Variants in SQOR observed in about 807,000 individuals in gnomAD.
The protein encoded by SQOR is sulfide:quinone oxidoreductase, mitochondrial.
In SQOR, 39 loss-of-function variants were observed where a neutral mutation model predicts 48.6. That is an observed-to-expected ratio of 0.80 (90% CI 0.62 to 1.05). The LOEUF is 1.05. SQOR is among the 50% of genes least tolerant of loss of function. SQOR has a pLI of 0.00. For synonymous variants in SQOR, 220 were observed against 206.2 expected (o/e 1.07, Z -0.57); for missense variants, 561 against 559.9 (o/e 1.00, Z -0.02).
At chr15:45,688,300 T>C in intron 7 of SQOR, 37 bp from the exon 8 acceptor site, 1 of 1,466,996 alleles carries the variant, frequency 6.8e-7, no homozygotes, top group South Asian at 1.2e-5. Flanking sequence ...AAAACCTTGA[T>C]GCTTACATTT....
At chr15:45,642,891 C>G (rs1446974623) in intron 1 of SQOR, among the ~76,000 whole-genome samples, 1 of 152,126 alleles carries the variant, frequency 6.6e-6, no homozygotes, top group Non-Finnish European at 1.5e-5. Context: ...AATGCTAACA[C>G]CTAATTCAGG....
chr15:45,645,944 G>A (rs1334674104), intron 1 of SQOR: 1 of 152,174 alleles, frequency 6.6e-6, no homozygotes, highest in Non-Finnish European at 1.5e-5. Context: ...TGCTATGTTT[G>A]TATTTCTGAT....
At chr15:45,634,145 G>A (rs1376825217), upstream of SQOR, among the ~76,000 whole-genome samples, 1 of 138,614 alleles carries the variant, frequency 7.2e-6, no homozygotes, top group East Asian at 2.2e-4. Context: ...TACTCACTGC[G>A]CTCCAGCCTG....
At chr15:45,641,458 C>T (rs148827171) in intron 1 of SQOR, among the ~76,000 whole-genome samples, 1 of 152,346 alleles carries the variant, frequency 6.6e-6, no homozygotes, top group Non-Finnish European at 1.5e-5. Context: ...TCCCCAGTGA[C>T]TCAGTCCTGG....
upstream of SQOR, chr15:45,634,878 GAGCGCTC>G (rs1214076591): frequency 6.6e-6 from 1 of 152,268 alleles, no homozygotes; most frequent in Non-Finnish European, 1.5e-5. Flanking sequence ...TGTGCCCCGT[GAGCGCTC>G]AACGCCCTGG....
chr15:45,690,757 A>G (rs1890308614), intron 9 of SQOR, among the ~76,000 whole-genome samples: 1 of 152,254 alleles, frequency 6.6e-6, no homozygotes, highest in African/African-American at 2.4e-5. Context: ...GAGTTAGCAC[A>G]TCCAGGCTCA....
intron 1 of SQOR, among the ~76,000 whole-genome samples, chr15:45,650,214 A>C (rs931848588): frequency 2.8e-4 from 43 of 151,974 alleles, no homozygotes; most frequent in Admixed American, 4.6e-4. Context: ...ATCTTGACTC[A>C]TTGCCACCTC....
At chr15:45,683,327 T>G (rs6493166) in intron 7 of SQOR, among the ~76,000 whole-genome samples, 45,271 of 152,112 alleles carry the variant, frequency 0.3, 7,492 homozygotes, top group East Asian at 0.68. Context: ...TCGAGGAGCA[T>G]TTGTTTTCCC....
At chr15:45,688,197 A>G (rs1890255789) in intron 7 of SQOR, 140 bp from the exon 8 acceptor site, 2 of 579,628 alleles carry the variant, frequency 3.5e-6, no homozygotes, top group Non-Finnish European at 5.9e-6. Context: ...AATTTCAATT[A>G]GTAAGAAGGT....
chr15:45,685,950 C>G (rs1018023739), intron 7 of SQOR, among the ~76,000 whole-genome samples: 2 of 151,476 alleles, frequency 1.3e-5, no homozygotes, highest in East Asian at 3.9e-4. Context: ...GTGATCCTTC[C>G]ACTTCAACCC....
At chr15:45,666,140 A>G (rs1889812497) in intron 3 of SQOR, among the ~76,000 whole-genome samples, 2 of 152,116 alleles carry the variant, frequency 1.3e-5, no homozygotes, top group Non-Finnish European at 2.9e-5. Context: ...TTCTTACCCC[A>G]GGACATTTGC....
At chr15:45,640,344 C>A (rs895313959) in intron 1 of SQOR, among the ~76,000 whole-genome samples, 1 of 152,100 alleles carries the variant, frequency 6.6e-6, no homozygotes. Context: ...TCCTTTATTC[C>A]ATTGATGAAG....
intron 3 of SQOR, among the ~76,000 whole-genome samples, chr15:45,663,891 G>A (rs925077748): frequency 1.3e-5 from 2 of 152,310 alleles, no homozygotes; most frequent in South Asian, 2.1e-4. Context: ...CTATAAGCCA[G>A]GTGCAGTTTT....
intron 1 of SQOR, among the ~76,000 whole-genome samples, chr15:45,646,750 A>T (rs1049592559): frequency 6.6e-6 from 1 of 152,148 alleles, no homozygotes; most frequent in African/African-American, 2.4e-5. Context: ...GCCCATATAT[A>T]TCCATCCACT....
At chr15:45,682,457 G>A in intron 6 of SQOR, 21 bp from the exon 7 acceptor site, 1 of 1,612,550 alleles carries the variant, frequency 6.2e-7, no homozygotes, top group Middle Eastern at 1.7e-4. Context: ...ATGAAAATGT[G>A]GATTCTCTCT....
At chr15:45,659,195 C>T (rs1305894372) in intron 2 of SQOR, 38 bp downstream of exon 2, 22 of 1,349,688 alleles carry the variant, frequency 1.6e-5, no homozygotes, top group African/African-American at 5.9e-5. Context: ...TGTGTGTGTA[C>T]GTGTGTGTGT....
chr15:45,690,848 A>T, intron 9 of SQOR, 125 bp from the exon 10 acceptor site: 1 of 819,512 alleles, frequency 1.2e-6, no homozygotes, highest in South Asian at 1.4e-5. Context: ...CTCACTAGAC[A>T]ATCTTGCTTT....
At chr15:45,675,419 G>C (rs1457450096) in intron 5 of SQOR, among the ~76,000 whole-genome samples, 3 of 148,960 alleles carry the variant, frequency 2.0e-5, no homozygotes, top group Admixed American at 6.8e-5. Context: ...TTTGGAGACA[G>C]AATTTTGCTC....
intron 2 of SQOR, 60 bp from the exon 3 acceptor site, chr15:45,661,895 C>T: frequency 2.6e-6 from 4 of 1,520,682 alleles, no homozygotes; most frequent in Non-Finnish European, 3.6e-6. Flanking sequence ...ATACTGTTAG[C>T]TATGACCCCT....
Sources: allele counts gnomAD v4.1 joint callset (sites outside exome capture counted in the v4.1 genomes callset), GRCh38; gene constraint gnomAD v4.1.1; transcripts MANE v1.5; gene names NCBI Gene and HGNC (gene_info 2026-07-23, HGNC 2026-07-21).